The following FOXN3 variants were observed in gnomAD, a reference collection of about 807,000 sequenced individuals.
FOXN3 encodes the protein forkhead box protein N3.
In FOXN3, 7 loss-of-function variants were observed where a neutral mutation model predicts 38.4. The observed-to-expected ratio is 0.18, with a 90% CI of 0.10 to 0.34. The LOEUF (loss-of-function observed/expected upper bound fraction) is 0.34. Ranked by LOEUF, FOXN3 falls within the 10% of genes least tolerant of loss-of-function variation. The pLI is 1.00. For missense variants in FOXN3, 456 were observed against 613.4 expected, an observed-to-expected ratio of 0.74 and a Z score of 2.71; for synonymous variants, 230 against 242.2, an observed-to-expected ratio of 0.95 and a Z score of 0.47.
intron 1 of FOXN3, among the ~76,000 whole-genome samples, chr14:89,570,702 G>C (rs1170976666): frequency 6.8e-6 from 1 of 147,924 alleles, no homozygotes; most frequent in African/African-American, 2.5e-5. Context: ...TTTTTTTTTA[G>C]CTCATTAGCT....
At chr14:89,332,716 T>A (rs118054664) in intron 3 of FOXN3, among the ~76,000 whole-genome samples, 1 of 152,144 alleles carries the variant, frequency 6.6e-6, no homozygotes, top group South Asian at 2.1e-4. Context: ...TACATCAAAC[T>A]AAAAAGTTTT....
At chr14:89,178,152 G>A (rs1176877250) in intron 5 of FOXN3, among the ~76,000 whole-genome samples, 3 of 151,568 alleles carry the variant, frequency 2.0e-5, no homozygotes, top group African/African-American at 7.3e-5. Context: ...GGTCACAGGT[G>A]TGTGCCACCA....
intron 1 of FOXN3, among the ~76,000 whole-genome samples, chr14:89,557,726 G>T (rs193017079): frequency 5.3e-5 from 8 of 152,242 alleles, no homozygotes; most frequent in Non-Finnish European, 1.0e-4. Flanking sequence ...GGTACCAAAG[G>T]GGGGCACGGT....
chr14:89,255,613 G>A (rs1421668416), intron 4 of FOXN3, among the ~76,000 whole-genome samples: 2 of 152,086 alleles, frequency 1.3e-5, no homozygotes, highest in South Asian at 2.1e-4. Flanking sequence ...CCAGGGAGTT[G>A]ACTATAAATT....
intron 1 of FOXN3, among the ~76,000 whole-genome samples, chr14:89,442,911 G>A (rs1047236774): frequency 6.6e-6 from 1 of 152,204 alleles, no homozygotes; most frequent in African/African-American, 2.4e-5. Flanking sequence ...TACTACAGTT[G>A]CAACAGAGAC....
At chr14:89,213,813 G>C (rs976647147) in intron 4 of FOXN3, among the ~76,000 whole-genome samples, 1 of 56,636 alleles carries the variant, frequency 1.8e-5, no homozygotes, top group Non-Finnish European at 3.5e-5. Context: ...TCTTAAAGAA[G>C]GCATACAAAT....
At chr14:89,608,138 C>T (rs1206140881) in intron 1 of FOXN3, among the ~76,000 whole-genome samples, 4 of 145,264 alleles carry the variant, frequency 2.8e-5, no homozygotes, top group Admixed American at 1.4e-4. Context: ...GCCACCATGC[C>T]TGGCTAATTT....
chr14:89,195,870 G>A (rs1282409176), intron 4 of FOXN3, among the ~76,000 whole-genome samples: 2 of 152,080 alleles, frequency 1.3e-5, no homozygotes, highest in Non-Finnish European at 2.9e-5. Flanking sequence ...ACCTAATTCA[G>A]CATTCCCATC....
intron 2 of FOXN3, chr14:89,401,655 C>T (rs1222242961): frequency 2.2e-6 from 1 of 455,848 alleles, no homozygotes; most frequent in Non-Finnish European, 4.4e-6. Flanking sequence ...AGAGTCAGCG[C>T]TCACATGACT....
intron 4 of FOXN3, chr14:89,190,546 GAA>G: frequency 4.8e-6 from 4 of 839,074 alleles, no homozygotes; most frequent in African/African-American, 1.8e-5. Flanking sequence ...ATGCAACAGA[GAA>G]AAAAAAAATA....
intron 1 of FOXN3, among the ~76,000 whole-genome samples, chr14:89,446,111 A>AAAAAAAAAAAAAAG (rs1203799928): frequency 7.0e-6 from 1 of 142,750 alleles, no homozygotes; most frequent in Non-Finnish European, 1.5e-5. Flanking sequence ...AAAAAAAAAA[A>AAAAAAAAAAAAAAG]TTTTAAGGAA....
intron 1 of FOXN3, among the ~76,000 whole-genome samples, chr14:89,461,573 T>C (rs551326059): frequency 3.7e-4 from 56 of 152,308 alleles, no homozygotes; most frequent in Non-Finnish European, 3.4e-4. Context: ...GAGAGTAATA[T>C]TATCCTTGAA....
chr14:89,513,307 C>T (rs1894134219), intron 1 of FOXN3, among the ~76,000 whole-genome samples: 2 of 151,782 alleles, frequency 1.3e-5, no homozygotes, highest in South Asian at 4.2e-4. Flanking sequence ...ACTCTGTGGC[C>T]CAGGCTGGAG....
chr14:89,195,134 C>G (rs1176900404), intron 4 of FOXN3, among the ~76,000 whole-genome samples: 1 of 152,182 alleles, frequency 6.6e-6, no homozygotes, highest in Non-Finnish European at 1.5e-5. Flanking sequence ...ATAACTTGTG[C>G]TCAGCACGGT....
In FOXN3 at chr14:89,281,007, C is replaced by T. The variant is rs767890525; in HGVS notation, c.688G>A (p.Gly230Ser). The T allele has an allele frequency of 3.7e-6, 6 of 1,613,322 alleles. No individual in the cohort carries two copies. The highest frequency in any genetic ancestry group is 1.7e-6 in the Non-Finnish European group (2 of 1,179,808). The change falls in exon 4 of 6, where the codon GGT becomes AGT. Residue 230 changes from glycine (G) to serine (S), a missense_variant. Transcript: ENST00000557258. Reference protein sequence around the residue: ...TCPQAYQSTSGPPIWPGSTFF... With the variant: ...TCPQAYQSTSSPPIWPGSTFF... Reference sequence around the variant, plus strand: ...GTACTGCCCGGCCAGATGGGTGGACCTGATGTGCTGAAAGAGAAAAGAAAC... The same window carrying T: ...GTACTGCCCGGCCAGATGGGTGGACTTGATGTGCTGAAAGAGAAAAGAAAC...
rs1277867128 is a variant in FOXN3, at chr14:89,429,617, C to T, written c.-14-17127G>A. ...GAAGTGGGAGAGTTGCTGCCTGGAC[C>T]AGCGAAGGGTTAGCCAGGGAAGGAT... On this transcript the variant is annotated intron_variant, in intron 1 of 6. Coordinates refer to the FOXN3 transcript ENST00000345097. Among the ~76,000 whole-genome samples, 4 of 151,946 alleles carry T rather than the reference C, an allele frequency of 2.6e-5. No individual in the cohort carries two copies. The East Asian group carries it at 7.7e-4, about 29-fold the overall frequency.
At position 89,431,331 on chromosome 14, in the gene FOXN3, C is replaced by T. The variant is rs148408248; in HGVS notation, c.-14-18841G>A. On this transcript the variant is annotated intron_variant, in intron 1 of 6. Coordinates refer to the FOXN3 transcript ENST00000345097. ...GTTCAAGTGATTCTCCTGCCTTAGCCTCCCAAGTAACTGGGATGACAGGCG... is the reference window on the plus strand; with the variant it reads ...GTTCAAGTGATTCTCCTGCCTTAGCTTCCCAAGTAACTGGGATGACAGGCG... Among the ~76,000 whole-genome samples the T allele has an allele frequency of 8.0e-3, 1,224 of 152,296 alleles. 11 individuals are homozygous for T. Among genetic ancestry groups the T allele is most frequent in the Middle Eastern group, 0.044 (13 of 294 alleles).
At chr14:89,284,785 T>A (rs937658559) in intron 3 of FOXN3, among the ~76,000 whole-genome samples, 8 of 152,026 alleles carry the variant, frequency 5.3e-5, no homozygotes, top group Non-Finnish European at 7.4e-5. Context: ...GCCAGCAAGG[T>A]GGAGTGCGAC....
rs535615051 is a variant in FOXN3, at chr14:89,256,236, C to T, written c.745+24714G>A. On this transcript the variant is annotated intron_variant, in intron 4 of 5. Coordinates refer to ENST00000557258, the MANE Select transcript of FOXN3 (RefSeq NM_005197.4). ...TAACTGGCATAAAAAAGGCTCTCCA[C>T]ACAATATGCTTCAAACTCTCTCATA... 3.3e-5 allele frequency among the ~76,000 whole-genome samples: 5 copies of T among 152,312 alleles called. No homozygotes were observed. In the East Asian group the frequency reaches 7.7e-4, roughly 24 times the overall value.
Sources: gnomAD v4.1 joint callset for allele counts (sites outside exome capture counted in the v4.1 genomes callset) on GRCh38, gnomAD v4.1.1 for gene constraint, MANE v1.5 for transcripts, NCBI Gene and HGNC (gene_info 2026-07-23, HGNC 2026-07-21) for gene names.